C9orf72: variants seen among roughly 807,000 people sequenced by gnomAD.
The protein encoded by C9orf72 is guanine nucleotide exchange factor C9orf72.
Under a neutral mutation model 51.6 loss-of-function variants are expected in C9orf72, and 44 were observed. The observed-to-expected ratio is 0.85, with a 90% CI of 0.67 to 1.10. C9orf72 has a LOEUF of 1.10. Among genes scored for constraint, C9orf72 ranks in the 50% least tolerant of loss-of-function variants. C9orf72 has a pLI of 0.00. For missense variants in C9orf72, 607 were observed against 570.6 expected, an observed-to-expected ratio of 1.06 and a Z score of -0.65; for synonymous variants, 213 against 194.2, an observed-to-expected ratio of 1.10 and a Z score of -0.81.
chr9:27,568,072 A>G (rs550117390), intron 1 of C9orf72, among the ~76,000 whole-genome samples: 11 of 122,046 alleles, frequency 9.0e-5, no homozygotes, highest in Non-Finnish European at 1.8e-4. Flanking sequence ...AATACTTTAA[A>G]GCCGCTAAAA....
chr9:27,556,964 T>G (rs1330901829), intron 7 of C9orf72, among the ~76,000 whole-genome samples, 168 bp from the exon 8 acceptor site: 1 of 152,224 alleles, frequency 6.6e-6, no homozygotes, highest in Non-Finnish European at 1.5e-5. Flanking sequence ...GTGTTCAGTA[T>G]AGCATTGGTT....
intron 8 of C9orf72, among the ~76,000 whole-genome samples, chr9:27,554,408 G>A (rs1587303998): frequency 1.3e-5 from 2 of 152,178 alleles, no homozygotes; most frequent in East Asian, 1.9e-4. Context: ...ACTACCGCAT[G>A]TTCTCACTTC....
At chr9:27,568,789 T>C (rs1234691497) in intron 1 of C9orf72, among the ~76,000 whole-genome samples, 1 of 152,160 alleles carries the variant, frequency 6.6e-6, no homozygotes. Flanking sequence ...GTTTATGTAT[T>C]CACTATACTA....
intron 1 of C9orf72, among the ~76,000 whole-genome samples, chr9:27,571,951 A>G (rs1023310122): frequency 6.6e-5 from 10 of 152,184 alleles, no homozygotes; most frequent in African/African-American, 2.4e-4. Flanking sequence ...TCATATCACT[A>G]TCTGGCCATT....
At chr9:27,556,487 G>A in intron 8 of C9orf72, 74 bp downstream of exon 8, 1 of 972,378 alleles carries the variant, frequency 1.0e-6, no homozygotes, top group Middle Eastern at 2.2e-4. Context: ...TGCAACTTCT[G>A]TTTTGTTTTT....
At chr9:27,562,303 G>A (rs1819368578) in intron 4 of C9orf72, 78 bp downstream of exon 4, 2 of 512,922 alleles carry the variant, frequency 3.9e-6, no homozygotes, top group Non-Finnish European at 6.3e-6. Context: ...ATTAAAATTA[G>A]AATATTAATA....
chr9:27,567,546 C>G (rs113390119), intron 1 of C9orf72, among the ~76,000 whole-genome samples: 13 of 152,230 alleles, frequency 8.5e-5, no homozygotes, highest in African/African-American at 3.1e-4. Context: ...GGCCCCTAAC[C>G]CATAGCAACT....
intron 6 of C9orf72, chr9:27,559,263 A>G (rs1819281005): frequency 8.0e-6 from 1 of 125,690 alleles, no homozygotes; most frequent in Non-Finnish European, 1.8e-5. Flanking sequence ...GATGGGAAAA[A>G]TGTTTAAAAA....
chr9:27,550,887 CATTT>C (rs981354203), intron 8 of C9orf72, among the ~76,000 whole-genome samples, 180 bp from the exon 9 acceptor site: 1 of 152,008 alleles, frequency 6.6e-6, no homozygotes, highest in African/African-American at 2.4e-5. Context: ...AATATACATT[CATTT>C]ATTTACTCAA....
intron 3 of C9orf72, among the ~76,000 whole-genome samples, chr9:27,565,242 T>G (rs975816813): frequency 1.3e-5 from 2 of 152,108 alleles, no homozygotes. Flanking sequence ...GAGACAATTT[T>G]TTTTATTTTT....
chr9:27,561,630 T>C lies in C9orf72; in HGVS notation c.620A>G (p.Asn207Ser), dbSNP rs17769294. 185,042 of 1,604,402 alleles carry C rather than the reference T, an allele frequency of 0.12. 11,930 individuals are homozygous for C. The highest frequency in any genetic ancestry group is 0.13 in the Non-Finnish European group (151,091 of 1,172,380). Reference protein sequence around the residue: ...EEIDIADTVLNDDDIGDSCHE... With the variant: ...EEIDIADTVLSDDDIGDSCHE... ...ACAGCTGTCACCAATATCATCATCA[T>C]TGAGTACTGTATCAGCTATCTAAAA... The change falls in exon 5 of 11, where the codon AAT becomes AGT. Residue 207 changes from asparagine to serine, a missense_variant. Asn to Ser is a conservative substitution (Grantham distance 46). Coordinates refer to ENST00000380003, the MANE Select transcript of C9orf72 (RefSeq NM_018325.5).
At chr9:27,550,796 C>A in intron 8 of C9orf72, 89 bp from the exon 9 acceptor site, 1 of 593,336 alleles carries the variant, frequency 1.7e-6, no homozygotes, top group African/African-American at 1.9e-5. Flanking sequence ...CTCACTTGAG[C>A]CAACATTTTA....
At chr9:27,563,880 G>A (rs975193498) in intron 3 of C9orf72, among the ~76,000 whole-genome samples, 7 of 152,106 alleles carry the variant, frequency 4.6e-5, no homozygotes, top group African/African-American at 9.6e-5. Flanking sequence ...GACTAGATCC[G>A]TGTTAAATTT....
chr9:27,563,085 C>T (rs1819389969), intron 3 of C9orf72, among the ~76,000 whole-genome samples: 1 of 151,834 alleles, frequency 6.6e-6, no homozygotes, highest in Non-Finnish European at 1.5e-5. Flanking sequence ...ATGAGGAAAA[C>T]CAAGCACAAA....
intron 3 of C9orf72, among the ~76,000 whole-genome samples, chr9:27,563,173 C>T (rs1384301562): frequency 1.3e-5 from 2 of 152,240 alleles, no homozygotes; most frequent in African/African-American, 4.8e-5. Flanking sequence ...AAAGTATAAT[C>T]TACCCAAATG....
Position 27,546,890 on chromosome 9 carries a change from T to C in C9orf72, c.*1346A>G, listed in dbSNP as rs539123521. 2.6e-5 allele frequency: 4 copies of C among 152,328 alleles called. No homozygotes were observed. The highest frequency in any genetic ancestry group is 9.6e-5 in the African/African-American group (4 of 41,582). 9.4% of individuals were successfully genotyped at this position (152,328 alleles called of 1,614,324 possible). On this transcript the variant is annotated 3_prime_UTR_variant, in exon 11 of 11. Coordinates refer to ENST00000380003, the MANE Select transcript of C9orf72 (RefSeq NM_018325.5). ...ACCTTTCACATTCGAACATGTCATT[T>C]TGTTGTGTAAATTTGGTGGGTGGGG...
chr9:27,562,973 A>G (rs1348278321), intron 3 of C9orf72, among the ~76,000 whole-genome samples: 1 of 152,164 alleles, frequency 6.6e-6, no homozygotes, highest in Non-Finnish European at 1.5e-5. Flanking sequence ...TTACTGTTAC[A>G]TGCAATGATT....
At chr9:27,569,274 G>T (rs1819536370) in intron 1 of C9orf72, among the ~76,000 whole-genome samples, 1 of 152,080 alleles carries the variant, frequency 6.6e-6, no homozygotes, top group African/African-American at 2.4e-5. Context: ...AGATAAATTT[G>T]GTGTAGCTTC....
chr9:27,570,167 G>A (rs142855097), intron 1 of C9orf72, among the ~76,000 whole-genome samples: 59 of 152,218 alleles, frequency 3.9e-4, no homozygotes, highest in Admixed American at 1.4e-3. Flanking sequence ...GATATAAGCC[G>A]TACAGCTTCT....
Sources: allele counts gnomAD v4.1 joint callset (sites outside exome capture counted in the v4.1 genomes callset), GRCh38; gene constraint gnomAD v4.1.1; transcripts MANE v1.5; gene names NCBI Gene and HGNC (gene_info 2026-07-23, HGNC 2026-07-21).